SH3KBP1: variants seen among roughly 807,000 people sequenced by gnomAD.
SH3KBP1 encodes the protein SH3 domain containing kinase binding protein 1.
SH3KBP1 carries 8 observed loss-of-function variants against 50.1 expected under a neutral mutation model. That is an observed-to-expected ratio of 0.16 (90% CI 0.09 to 0.29). The LOEUF (loss-of-function observed/expected upper bound fraction) is 0.29, where lower values mean the gene tolerates loss of function less well. Among genes scored for constraint, SH3KBP1 ranks in the 10% least tolerant of loss-of-function variants. SH3KBP1 has a pLI of 1.00. For missense variants in SH3KBP1, 377 were observed against 535.2 expected, an observed-to-expected ratio of 0.70 and a Z score of 2.92; for synonymous variants, 227 against 218.6, an observed-to-expected ratio of 1.04 and a Z score of -0.34.
chrX:19,643,345 G>A (rs1336501477), intron 7 of SH3KBP1, among the ~76,000 whole-genome samples: 2 of 84,615 alleles, frequency 2.4e-5, no homozygotes, highest in African/African-American at 1.0e-4. Flanking sequence ...TTTGAGACAG[G>A]GTCTCACTCT....
At chrX:19,562,199 G>A (rs912921429) in intron 13 of SH3KBP1, among the ~76,000 whole-genome samples, 4 of 111,719 alleles carry the variant, frequency 3.6e-5, no homozygotes, top group Non-Finnish European at 5.6e-5. Context: ...ATAAAATGTC[G>A]TGTGTCCATA....
chrX:19,726,561 T>C (rs2064227780), intron 3 of SH3KBP1, among the ~76,000 whole-genome samples: 1 of 111,566 alleles, frequency 9.0e-6, no homozygotes, highest in Non-Finnish European at 1.9e-5. Flanking sequence ...GGGTTTGTTG[T>C]ACACATAATG....
intron 3 of SH3KBP1, among the ~76,000 whole-genome samples, chrX:19,722,412 A>G (rs1458504092): frequency 9.0e-6 from 1 of 111,403 alleles, no homozygotes; most frequent in Non-Finnish European, 1.9e-5. Context: ...GACTACTTAA[A>G]TTCTGGAAAG....
chrX:19,838,902 A>T lies in SH3KBP1; in HGVS notation c.5-2620T>A, dbSNP rs747443409. Among the ~76,000 whole-genome samples the T allele has an allele frequency of 3.7e-5, 4 of 106,901 alleles. No homozygotes were observed. The Admixed American group carries it at 4.0e-4, about 11-fold the overall frequency. The allele number at this position is 106,901 out of a possible 115,157, so 92.8% of individuals were successfully genotyped here. The stretch of plus-strand genomic sequence containing the variant: ...ACTTTGTCTCAAAAAAAAAAAAAAA[A>T]AAAAGAAAAAAAGAAAAGGAAAAAA... On this transcript the variant is annotated intron_variant, in intron 1 of 17. Coordinates refer to ENST00000397821, the MANE Select transcript of SH3KBP1 (RefSeq NM_031892.3).
chrX:19,645,820 C>A (rs913313579), intron 6 of SH3KBP1, among the ~76,000 whole-genome samples: 3 of 111,747 alleles, frequency 2.7e-5, no homozygotes, highest in African/African-American at 9.8e-5. Flanking sequence ...TATGGAGGTA[C>A]AATAGCTGGC....
intron 14 of SH3KBP1, among the ~76,000 whole-genome samples, chrX:19,548,721 A>C (rs1468956737): frequency 9.0e-6 from 1 of 110,687 alleles, no homozygotes; most frequent in Non-Finnish European, 1.9e-5. Flanking sequence ...TGAAAATAGG[A>C]AGTGTCCTGG....
chrX:19,563,558 T>C (rs1463296883), intron 13 of SH3KBP1, among the ~76,000 whole-genome samples: 1 of 112,511 alleles, frequency 8.9e-6, no homozygotes, highest in African/African-American at 3.2e-5. Flanking sequence ...TATAAAGCGT[T>C]TGACCCTCAG....
chrX:19,793,273 A>T (rs1297874885), intron 2 of SH3KBP1, among the ~76,000 whole-genome samples: 4 of 106,100 alleles, frequency 3.8e-5, no homozygotes. Flanking sequence ...ACTCTGGCCT[A>T]GGTGACAGAG....
At chrX:19,747,487 C>T (rs2064949405) in intron 2 of SH3KBP1, among the ~76,000 whole-genome samples, 1 of 111,235 alleles carries the variant, frequency 9.0e-6, no homozygotes, top group Non-Finnish European at 1.9e-5. Flanking sequence ...TTAAAAAGAG[C>T]CCATGAGGTA....
chrX:19,844,023 G>T (rs957177724), intron 1 of SH3KBP1, among the ~76,000 whole-genome samples: 1 of 111,337 alleles, frequency 9.0e-6, no homozygotes, highest in African/African-American at 3.3e-5. Context: ...ACATTCACTG[G>T]CTGTGTGACA....
intron 6 of SH3KBP1, among the ~76,000 whole-genome samples, chrX:19,646,238 C>T (rs2061986841): frequency 1.8e-5 from 2 of 112,018 alleles, no homozygotes; most frequent in African/African-American, 6.5e-5. Context: ...ATTTCCTTTC[C>T]TTCATTTGCG....
chrX:19,789,062 T>A (rs1313387841), intron 2 of SH3KBP1, among the ~76,000 whole-genome samples: 1 of 111,344 alleles, frequency 9.0e-6, no homozygotes, highest in Non-Finnish European at 1.9e-5. Flanking sequence ...AGGCAGAGGT[T>A]GTGGTGAGCT....
intron 6 of SH3KBP1, among the ~76,000 whole-genome samples, chrX:19,650,803 C>G (rs73459650): frequency 1.4e-3 from 155 of 111,608 alleles, no homozygotes; most frequent in African/African-American, 4.6e-3. Flanking sequence ...AACATCAAAG[C>G]AAACACTGAA....
intron 4 of SH3KBP1, among the ~76,000 whole-genome samples, chrX:19,699,465 C>A (rs1467483947): frequency 8.9e-6 from 1 of 112,012 alleles, no homozygotes. Context: ...CTACGACCAA[C>A]CCAGTCAGCT....
chrX:19,815,847 T>C (rs748431007), intron 2 of SH3KBP1, among the ~76,000 whole-genome samples: 26 of 112,543 alleles, frequency 2.3e-4, no homozygotes, highest in African/African-American at 8.4e-4. Flanking sequence ...TTCTGTTTTA[T>C]TGCTGAGTAG....
At chrX:19,687,571 C>T (rs1569419562) in intron 5 of SH3KBP1, 3 of 1,052,723 alleles carry the variant, frequency 2.8e-6, no homozygotes, top group Non-Finnish European at 4.0e-6. Context: ...ACACAAGTAC[C>T]CAGATCTTAT....
intron 3 of SH3KBP1, among the ~76,000 whole-genome samples, chrX:19,715,707 AG>A (rs2148705328): frequency 8.9e-6 from 1 of 112,512 alleles, no homozygotes; most frequent in East Asian, 2.8e-4. Context: ...TTTTCCCACA[AG>A]GGAGAGAACT....
intron 1 of SH3KBP1, among the ~76,000 whole-genome samples, chrX:19,876,705 G>A (rs1377025578): frequency 8.9e-6 from 1 of 111,896 alleles, no homozygotes; most frequent in Non-Finnish European, 1.9e-5. Flanking sequence ...CAAAATAGCA[G>A]CAGCCTATGG....
chrX:19,651,857 A>G (rs61511887), intron 6 of SH3KBP1, among the ~76,000 whole-genome samples: 1,661 of 111,762 alleles, frequency 0.015, 33 homozygotes, highest in African/African-American at 0.051. Context: ...CAGTCAGTCA[A>G]TCAATCAATC....
Sources: gnomAD v4.1 joint callset for allele counts (sites outside exome capture counted in the v4.1 genomes callset) on GRCh38, gnomAD v4.1.1 for gene constraint, MANE v1.5 for transcripts, NCBI Gene and HGNC (gene_info 2026-07-23, HGNC 2026-07-21) for gene names.